CNTN4: variants seen among roughly 807,000 people sequenced by gnomAD.
The protein encoded by CNTN4 is contactin-4.
A neutral mutation model predicts 122.5 loss-of-function variants in CNTN4; 77 were observed. The ratio of observed to expected loss-of-function variants is 0.63; its 90% CI spans 0.52 to 0.76. The LOEUF (loss-of-function observed/expected upper bound fraction) is 0.76, where lower values mean the gene tolerates loss of function less well. Ranked by LOEUF, CNTN4 falls within the 30% of genes least tolerant of loss-of-function variation. CNTN4 has a pLI of 0.00. For missense variants in CNTN4, 1,256 were observed against 1,259.1 expected (o/e 1.00, Z 0.04); for synonymous variants, 512 against 447.0 (o/e 1.15, Z -1.83).
At chr3:2,473,247 A>AAAAC (rs1559584966) in intron 3 of CNTN4, among the ~76,000 whole-genome samples, 1 of 143,922 alleles carries the variant, frequency 6.9e-6, no homozygotes. Flanking sequence ...AAAAAAAAAA[A>AAAAC]AAAAACACCT....
At chr3:2,237,621 T>C (rs2039735726) in intron 2 of CNTN4, among the ~76,000 whole-genome samples, 1 of 152,222 alleles carries the variant, frequency 6.6e-6, no homozygotes, top group Admixed American at 6.5e-5. Flanking sequence ...CTAACTTATT[T>C]AATATAACCT....
At chr3:2,992,043 C>G (rs140240699) in intron 14 of CNTN4, among the ~76,000 whole-genome samples, 17 of 152,286 alleles carry the variant, frequency 1.1e-4, no homozygotes, top group Admixed American at 4.6e-4. Context: ...TCTCCCTACC[C>G]TTGCCCCCAT....
intron 2 of CNTN4, among the ~76,000 whole-genome samples, chr3:2,134,750 C>G (rs1046735326): frequency 6.6e-6 from 1 of 152,184 alleles, no homozygotes; most frequent in Non-Finnish European, 1.5e-5. Context: ...AGTCAGAATT[C>G]TCCAGAGAAA....
intron 2 of CNTN4, among the ~76,000 whole-genome samples, chr3:2,177,227 A>G (rs1347537202): frequency 6.6e-6 from 1 of 152,162 alleles, no homozygotes; most frequent in Non-Finnish European, 1.5e-5. Context: ...GTAAGAATAT[A>G]TGACTTTATC....
chr3:2,273,175 A>C (rs1038704783), intron 2 of CNTN4, among the ~76,000 whole-genome samples: 5 of 152,214 alleles, frequency 3.3e-5, no homozygotes, highest in African/African-American at 1.2e-4. Flanking sequence ...AAATGCAGTA[A>C]GTAATTGTAA....
chr3:2,179,820 A>G (rs918597973), intron 2 of CNTN4, among the ~76,000 whole-genome samples: 1 of 151,962 alleles, frequency 6.6e-6, no homozygotes, highest in African/African-American at 2.4e-5. Context: ...AGCCAAATTT[A>G]CTTTTTCCAG....
At chr3:2,103,545 A>G (rs2032171247) in intron 2 of CNTN4, among the ~76,000 whole-genome samples, 2 of 152,104 alleles carry the variant, frequency 1.3e-5, no homozygotes, top group Non-Finnish European at 2.9e-5. Flanking sequence ...TCAGTATGTG[A>G]GGATAAATTC....
intron 7 of CNTN4, among the ~76,000 whole-genome samples, chr3:2,837,231 A>G (rs1559560336): frequency 6.6e-6 from 1 of 152,158 alleles, no homozygotes; most frequent in African/African-American, 2.4e-5. Flanking sequence ...CCTTTCGGGG[A>G]GGAAGATGTT....
In CNTN4 at chr3:2,385,842, G is replaced by A. The variant is rs973581112; in HGVS notation, c.-89+46609G>A. 2.6e-5 allele frequency among the ~76,000 whole-genome samples: 4 copies of A among 152,012 alleles called. No individual in the cohort carries two copies. In the East Asian group the frequency reaches 7.8e-4, roughly 29 times the overall value. The stretch of plus-strand genomic sequence containing the variant: ...ATAAGGTCACATTCACACGTACCAG[G>A]GGTCAAGACTTCAACACATCTTTTT... On this transcript the variant is annotated intron_variant, in intron 3 of 24. Transcript: ENST00000418658. The surrounding 1 kb of genome is among the most constrained non-coding windows in gnomAD (Gnocchi z 4.0).
intron 2 of CNTN4, among the ~76,000 whole-genome samples, chr3:2,111,630 T>C (rs932267291): frequency 6.6e-6 from 1 of 152,150 alleles, no homozygotes; most frequent in Non-Finnish European, 1.5e-5. Flanking sequence ...CTACTACTTA[T>C]GTATTTAGTA....
At chr3:2,393,631 T>G (rs1012101000) in intron 3 of CNTN4, among the ~76,000 whole-genome samples, 2 of 152,202 alleles carry the variant, frequency 1.3e-5, no homozygotes, top group African/African-American at 4.8e-5. Flanking sequence ...AATGAACATT[T>G]CAAATCATAT....
intron 2 of CNTN4, among the ~76,000 whole-genome samples, chr3:2,128,324 T>C (rs2034281829): frequency 1.3e-5 from 2 of 152,228 alleles, no homozygotes; most frequent in Admixed American, 1.3e-4. Context: ...TGATACTAGC[T>C]AATATTTATT....
At chr3:3,038,780 T>C (rs376171555) in intron 18 of CNTN4, among the ~76,000 whole-genome samples, 153 bp from the exon 19 acceptor site, 1 of 129,510 alleles carries the variant, frequency 7.7e-6, no homozygotes, top group Non-Finnish European at 1.7e-5. Flanking sequence ...GCGGTCGCCG[T>C]GGGCCCCTTG....
rs1044862687 is a variant in CNTN4, at chr3:2,667,169, A to G, written c.56-69046A>G. Reference sequence around the variant, plus strand: ...TAGATCCCTGAGGAATCGCCACACTAACTTCCACAATGGTTGAACTAGTTT... The same window carrying G: ...TAGATCCCTGAGGAATCGCCACACTGACTTCCACAATGGTTGAACTAGTTT... On this transcript the variant is annotated intron_variant, in intron 4 of 24. Coordinates refer to ENST00000418658, the MANE Select transcript of CNTN4 (RefSeq NM_175607.3). Among the ~76,000 whole-genome samples the G allele has an allele frequency of 7.9e-5, 12 of 152,210 alleles. No individual in the cohort carries two copies. In the South Asian group the frequency reaches 1.0e-3, roughly 13 times the overall value.
intron 6 of CNTN4, among the ~76,000 whole-genome samples, chr3:2,754,824 T>G (rs1176109794): frequency 1.3e-5 from 2 of 152,178 alleles, no homozygotes; most frequent in Non-Finnish European, 2.9e-5. Context: ...GAGGTTAATT[T>G]AAGTTAGCCT....
intron 14 of CNTN4, among the ~76,000 whole-genome samples, chr3:3,010,607 T>C (rs1371301181): frequency 2.0e-5 from 3 of 152,168 alleles, no homozygotes; most frequent in Admixed American, 2.0e-4. Context: ...GTAGTGATTA[T>C]TTTTGTTATT....
chr3:2,698,972 G>A (rs1442935750), intron 4 of CNTN4, among the ~76,000 whole-genome samples: 3 of 151,984 alleles, frequency 2.0e-5, no homozygotes, highest in South Asian at 4.1e-4. Context: ...GCAGTGAGCC[G>A]AGATAGTGCC....
chr3:2,376,020 C>A (rs981343915), intron 3 of CNTN4, among the ~76,000 whole-genome samples: 1 of 151,918 alleles, frequency 6.6e-6, no homozygotes, highest in Non-Finnish European at 1.5e-5. Context: ...GAAGCATAGA[C>A]GGGTGCCCTA....
chr3:2,322,814 C>G (rs2043315985), intron 2 of CNTN4, among the ~76,000 whole-genome samples: 1 of 152,138 alleles, frequency 6.6e-6, no homozygotes, highest in Non-Finnish European at 1.5e-5. Flanking sequence ...TATTGAGCAA[C>G]TAGCTGTGTG....
Sources: gnomAD v4.1 joint callset for allele counts (sites outside exome capture counted in the v4.1 genomes callset) on GRCh38, gnomAD v4.1.1 for gene constraint, Gnocchi (gnomAD v3.1) non-coding constraint, MANE v1.5 for transcripts, NCBI Gene and HGNC (gene_info 2026-07-23, HGNC 2026-07-21) for gene names.